Variants in MAGI3 observed in about 807,000 individuals in gnomAD.
MAGI3 encodes the protein membrane-associated guanylate kinase, WW and PDZ domain-containing protein 3.
Under a neutral mutation model 121.8 loss-of-function variants are expected in MAGI3, and 43 were observed. That is an observed-to-expected ratio of 0.35 (90% CI 0.28 to 0.46). MAGI3 has a LOEUF of 0.46. Ranked by LOEUF, MAGI3 falls within the 20% of genes least tolerant of loss-of-function variation. MAGI3 has a pLI of 1.00. For synonymous variants in MAGI3, 553 were observed against 639.3 expected (o/e 0.86, Z 2.04); for missense variants, 1,547 against 1,797.3 (o/e 0.86, Z 2.52).
intron 9 of MAGI3, among the ~76,000 whole-genome samples, chr1:113,634,385 C>T (rs1366980187): frequency 6.6e-6 from 1 of 151,878 alleles, no homozygotes; most frequent in Non-Finnish European, 1.5e-5. Context: ...ACGTTTAAGT[C>T]TAATCCATCT....
intron 1 of MAGI3, among the ~76,000 whole-genome samples, chr1:113,444,092 A>G (rs945252996): frequency 6.6e-6 from 1 of 152,184 alleles, no homozygotes; most frequent in Non-Finnish European, 1.5e-5. Flanking sequence ...AATTGTGGTT[A>G]TTTTTGGTCA....
At chr1:113,460,223 C>A (rs546926458) in intron 1 of MAGI3, among the ~76,000 whole-genome samples, 18 of 152,216 alleles carry the variant, frequency 1.2e-4, no homozygotes, top group African/African-American at 4.3e-4. Flanking sequence ...ATTCAACATC[C>A]CTTAATGTAA....
At chr1:113,393,520 A>G (rs1444444676) in intron 1 of MAGI3, among the ~76,000 whole-genome samples, 1 of 152,186 alleles carries the variant, frequency 6.6e-6, no homozygotes, top group African/African-American at 2.4e-5. Flanking sequence ...TAGCTTCTTA[A>G]TAGCCTCATG....
intron 1 of MAGI3, among the ~76,000 whole-genome samples, chr1:113,503,408 A>G (rs1041691080): frequency 2.6e-5 from 4 of 151,286 alleles, no homozygotes; most frequent in East Asian, 1.9e-4. Context: ...ATATTTTTCA[A>G]TCTTCAGCTT....
At chr1:113,449,438 CAAAT>C (rs1025506011) in intron 1 of MAGI3, among the ~76,000 whole-genome samples, 2 of 150,514 alleles carry the variant, frequency 1.3e-5, no homozygotes, top group African/African-American at 4.9e-5. Flanking sequence ...TAAGAAAAAA[CAAAT>C]GAATTCACTT....
chr1:113,682,552 A>G, intron 20 of MAGI3: 1 of 1,223,694 alleles, frequency 8.2e-7, no homozygotes, highest in Non-Finnish European at 1.0e-6. Flanking sequence ...ATAATTAGTG[A>G]GCTTCTTGGG....
At position 113,658,146 on chromosome 1, in the gene MAGI3, G is replaced by C. The variant is rs1330090878; in HGVS notation, c.2630-934G>C. The stretch of plus-strand genomic sequence containing the variant: ...ATAAGTTTAAAGTTTACTGACCTAG[G>C]CTAGGAAATTCTCAGAGAACATAGA... On this transcript the variant is annotated intron_variant, in intron 15 of 20. Transcript: ENST00000307546. The surrounding 1 kb of genome is among the most constrained non-coding windows in gnomAD (Gnocchi z 4.0). Among the ~76,000 whole-genome samples the C allele has an allele frequency of 6.6e-6, 1 of 152,188 alleles. No homozygotes were observed. The highest frequency in any genetic ancestry group is 2.4e-5 in the African/African-American group (1 of 41,440).
chr1:113,543,329 A>T (rs1288588044), intron 1 of MAGI3, among the ~76,000 whole-genome samples: 1 of 152,242 alleles, frequency 6.6e-6, no homozygotes, highest in Non-Finnish European at 1.5e-5. Flanking sequence ...ATAAACTATA[A>T]TTAAAACCTA....
chr1:113,582,540 G>A (rs1423086669), intron 3 of MAGI3, among the ~76,000 whole-genome samples: 5 of 151,754 alleles, frequency 3.3e-5, no homozygotes, highest in South Asian at 2.1e-4. Context: ...TAAAAAGAAA[G>A]TTACAAAAGG....
chr1:113,671,528 C>T (rs1321171230), intron 16 of MAGI3, among the ~76,000 whole-genome samples: 1 of 152,124 alleles, frequency 6.6e-6, no homozygotes, highest in Non-Finnish European at 1.5e-5. Context: ...TCCTGTTCTC[C>T]TGAGACATAA....
intron 3 of MAGI3, 122 bp downstream of exon 3, chr1:113,580,783 G>C: frequency 1.1e-6 from 1 of 930,270 alleles, no homozygotes; most frequent in South Asian, 3.3e-5. Context: ...CTCTGTTTTT[G>C]AGAAAATTTT....
At position 113,643,197 on chromosome 1, in the gene MAGI3, A is replaced by G. The variant is rs537816564; in HGVS notation, c.1967-546A>G. Among the ~76,000 whole-genome samples, 3 of 152,360 alleles carry G rather than the reference A, an allele frequency of 2.0e-5. No individual in the cohort carries two copies. The East Asian group carries it at 5.8e-4, about 29-fold the overall frequency. ...AATTTTAATATGCTTTCTTAAATCC[A>G]TACTTATAAGTGACTAGTATCTTAA... On this transcript the variant is annotated intron_variant, in intron 10 of 20. Transcript: ENST00000307546.
chr1:113,556,615 A>G (rs1023021387), intron 2 of MAGI3, among the ~76,000 whole-genome samples: 2 of 148,250 alleles, frequency 1.3e-5, no homozygotes, highest in Non-Finnish European at 1.5e-5. Flanking sequence ...CTGGAATTCA[A>G]TGATGTGATT....
chr1:113,671,910 A>G, intron 17 of MAGI3, 74 bp downstream of exon 17: 1 of 1,295,824 alleles, frequency 7.7e-7, no homozygotes, highest in Non-Finnish European at 1.1e-6. Context: ...TCATAACCCC[A>G]CTCCCCATCA....
chr1:113,485,647 C>T (rs61819365), intron 1 of MAGI3, among the ~76,000 whole-genome samples: 7,308 of 152,204 alleles, frequency 0.048, 234 homozygotes, highest in Middle Eastern at 0.095. Flanking sequence ...TCTTTTGCTT[C>T]GCAGAAGCTT....
intron 1 of MAGI3, among the ~76,000 whole-genome samples, chr1:113,484,653 C>T (rs1290834158): frequency 1.4e-3 from 44 of 30,976 alleles, no homozygotes; most frequent in South Asian, 4.3e-3. Flanking sequence ...CTTCCCTCCC[C>T]TCCCCTCCCC....
intron 1 of MAGI3, among the ~76,000 whole-genome samples, chr1:113,399,454 A>G (rs1278912205): frequency 2.0e-5 from 3 of 152,188 alleles, no homozygotes. Flanking sequence ...GATCTCTTTT[A>G]AAACATTTAA....
chr1:113,675,035 A>T (rs571888907), intron 19 of MAGI3, among the ~76,000 whole-genome samples: 1 of 152,234 alleles, frequency 6.6e-6, no homozygotes, highest in Non-Finnish European at 1.5e-5. Context: ...TTTATTTAGA[A>T]AATGCGTAGA....
chr1:113,600,687 C>T (rs1189558025), intron 6 of MAGI3, among the ~76,000 whole-genome samples: 3 of 152,176 alleles, frequency 2.0e-5, no homozygotes, highest in African/African-American at 4.8e-5. Context: ...CATCAAGCTA[C>T]CAATGACTTT....
Sources: allele counts gnomAD v4.1 joint callset (sites outside exome capture counted in the v4.1 genomes callset), GRCh38; gene constraint gnomAD v4.1.1; non-coding constraint Gnocchi (gnomAD v3.1); transcripts MANE v1.5; gene names NCBI Gene and HGNC (gene_info 2026-07-23, HGNC 2026-07-21).